Variants in PRORP observed in about 807,000 individuals in gnomAD.
PRORP encodes mitochondrial ribonuclease P catalytic subunit.
In PRORP, 51 loss-of-function variants were observed where a neutral mutation model predicts 59.4. The observed-to-expected ratio is 0.86, with a 90% CI of 0.69 to 1.08. The LOEUF (loss-of-function observed/expected upper bound fraction) is 1.08. PRORP is among the 50% of genes least tolerant of loss of function. The probability of loss-of-function intolerance (pLI) is 0.00; values close to 1 mark genes in which losing one functional copy is unlikely to be tolerated. For synonymous variants in PRORP, 231 were observed against 245.6 expected, an observed-to-expected ratio of 0.94 and a Z score of 0.55; for missense variants, 646 against 690.3, an observed-to-expected ratio of 0.94 and a Z score of 0.72.
At chr14:35,137,995 A>G (rs2047410394) in intron 4 of PRORP, among the ~76,000 whole-genome samples, 1 of 145,858 alleles carries the variant, frequency 6.9e-6, no homozygotes, top group African/African-American at 2.4e-5. Context: ...TGCAAATACC[A>G]CAAACCAGGT....
chr14:35,179,172 C>T (rs1008826121), intron 4 of PRORP, among the ~76,000 whole-genome samples: 8 of 152,224 alleles, frequency 5.3e-5, no homozygotes, highest in African/African-American at 1.9e-4. Context: ...CTGCCCTTAA[C>T]ATTTTTTCCT....
Position 35,214,492 on chromosome 14 carries a change from G to A in PRORP, c.1275+33715G>A, listed in dbSNP as rs536423927. ...GTATTATTAGTAGACAAATGCAGAG[G>A]TTGTGTGGTTATATAAGTTATCTAT... On this transcript the variant is annotated intron_variant, in intron 5 of 7. Coordinates refer to ENST00000534898, the MANE Select transcript of PRORP (RefSeq NM_014672.4). Among the ~76,000 whole-genome samples, 8 of 152,274 alleles carry A rather than the reference G, an allele frequency of 5.3e-5. No individual in the cohort carries two copies. The South Asian group carries it at 1.2e-3, about 24-fold the overall frequency.
chr14:35,262,947 G>A (rs2050942385), intron 5 of PRORP: 3 of 1,597,672 alleles, frequency 1.9e-6, no homozygotes, highest in Non-Finnish European at 2.6e-6. Flanking sequence ...GATTCAGCAA[G>A]CCACGACAGT....
At chr14:35,160,521 T>C (rs1462554804) in intron 4 of PRORP, among the ~76,000 whole-genome samples, 1 of 152,198 alleles carries the variant, frequency 6.6e-6, no homozygotes. Context: ...CAAACTATTT[T>C]CTTTTTTTAA....
At position 35,181,296 on chromosome 14, in the gene PRORP, C is replaced by T. The variant is rs117286842; in HGVS notation, c.1275+519C>T. ...AGTTTCTAATAAGACTATCATTTTTCATAGCTGCAATTAACAGTTACTTTA... is the reference window on the plus strand; with the variant it reads ...AGTTTCTAATAAGACTATCATTTTTTATAGCTGCAATTAACAGTTACTTTA... On this transcript the variant is annotated intron_variant, in intron 5 of 7. Transcript: ENST00000534898. Among the ~76,000 whole-genome samples, 927 of 151,996 alleles carry T rather than the reference C, an allele frequency of 6.1e-3. 31 individuals are homozygous for T. Among genetic ancestry groups the T allele is most frequent in the Admixed American group, 0.04 (612 of 15,238 alleles).
intron 5 of PRORP, among the ~76,000 whole-genome samples, chr14:35,258,444 T>C (rs1938403873): frequency 1.3e-5 from 2 of 152,052 alleles, no homozygotes; most frequent in Admixed American, 1.3e-4. Flanking sequence ...AAAATAATTT[T>C]GTGAAAAGGA....
chr14:35,181,618 C>T (rs893607801), intron 5 of PRORP, among the ~76,000 whole-genome samples: 3 of 151,878 alleles, frequency 2.0e-5, no homozygotes, highest in African/African-American at 7.3e-5. Flanking sequence ...AACCCTGTCT[C>T]TACTAAAAAT....
At chr14:35,125,124 G>C (rs1479867894) in intron 2 of PRORP, among the ~76,000 whole-genome samples, 1 of 152,054 alleles carries the variant, frequency 6.6e-6, no homozygotes, top group Non-Finnish European at 1.5e-5. Flanking sequence ...GCCTCCCAAA[G>C]TGCTGGGATT....
chr14:35,196,400 G>T (rs184722287), intron 5 of PRORP, among the ~76,000 whole-genome samples: 2 of 152,158 alleles, frequency 1.3e-5, no homozygotes, highest in Admixed American at 1.3e-4. Context: ...AGGCTGAGGC[G>T]GGGGGAGGAT....
intron 4 of PRORP, among the ~76,000 whole-genome samples, chr14:35,142,101 A>G (rs1252576561): frequency 7.0e-6 from 1 of 142,860 alleles, no homozygotes; most frequent in Non-Finnish European, 1.5e-5. Flanking sequence ...CTGGTCTTGA[A>G]CTCCTGACCT....
chr14:35,273,511 A>G lies in PRORP; in HGVS notation c.1697A>G (p.Glu566Gly). Residue 566 changes from glutamate to glycine, a missense_variant, in exon 8 of 8, where the codon GAA becomes GGA. Transcript: ENST00000534898. The part of the protein sequence containing the change: ...WHIPYDEDLV[E>G]RCSCEVPTKW... Reference sequence around the variant, plus strand: ...ATACCATATGATGAAGACTTGGTAGAAAGATGTTCCTGTGAAGTACCAACC... The same window carrying G: ...ATACCATATGATGAAGACTTGGTAGGAAGATGTTCCTGTGAAGTACCAACC... The G allele has an allele frequency of 1.2e-6, 2 of 1,613,806 alleles. No individual in the cohort carries two copies. Among genetic ancestry groups the G allele is most frequent in the Non-Finnish European group, 8.5e-7 (1 of 1,179,830 alleles).
intron 5 of PRORP, among the ~76,000 whole-genome samples, chr14:35,204,940 T>A (rs1419477781): frequency 6.6e-6 from 1 of 152,222 alleles, no homozygotes; most frequent in African/African-American, 2.4e-5. Context: ...CATTATTTCA[T>A]TTAATCCTCT....
intron 5 of PRORP, among the ~76,000 whole-genome samples, chr14:35,204,691 G>A (rs889196202): frequency 6.6e-6 from 1 of 152,014 alleles, no homozygotes; most frequent in Admixed American, 6.6e-5. Flanking sequence ...TATCAGCAAC[G>A]TGTTCATTGT....
At chr14:35,268,824 G>GA (rs1198808615) in intron 6 of PRORP, among the ~76,000 whole-genome samples, 18 of 152,170 alleles carry the variant, frequency 1.2e-4, no homozygotes, top group African/African-American at 4.3e-4. Context: ...TCGAACTCCT[G>GA]ACCTCATGAT....
chr14:35,255,633 C>T (rs1198776053), intron 5 of PRORP, among the ~76,000 whole-genome samples: 1 of 152,186 alleles, frequency 6.6e-6, no homozygotes, highest in Non-Finnish European at 1.5e-5. Context: ...CCTACCTCAG[C>T]ATCCCAGGTA....
chr14:35,138,474 T>C (rs185428960), intron 4 of PRORP, among the ~76,000 whole-genome samples: 2 of 145,476 alleles, frequency 1.4e-5, no homozygotes, highest in Admixed American at 1.4e-4. Flanking sequence ...CTGCCTTCAA[T>C]GTTGCTTTCT....
intron 5 of PRORP, among the ~76,000 whole-genome samples, chr14:35,189,573 A>G (rs2048831368): frequency 6.6e-6 from 1 of 152,100 alleles, no homozygotes; most frequent in Non-Finnish European, 1.5e-5. Context: ...TTGAGCACCC[A>G]TTCCAAGCCA....
At chr14:35,214,220 A>G (rs12589317) in intron 5 of PRORP, among the ~76,000 whole-genome samples, 82,636 of 152,054 alleles carry the variant, frequency 0.54, 23,922 homozygotes, top group East Asian at 0.75. Flanking sequence ...CAGGAGAATG[A>G]GAAAAGCTGA....
intron 5 of PRORP, among the ~76,000 whole-genome samples, chr14:35,210,937 A>T (rs576853738): frequency 6.6e-6 from 1 of 150,972 alleles, no homozygotes; most frequent in Non-Finnish European, 1.5e-5. Flanking sequence ...CTAGTTTTTT[A>T]AAAATTATTT....
Sources: allele counts gnomAD v4.1 joint callset (sites outside exome capture counted in the v4.1 genomes callset), GRCh38; gene constraint gnomAD v4.1.1; transcripts MANE v1.5; gene names NCBI Gene and HGNC (gene_info 2026-07-23, HGNC 2026-07-21).